MYO3B: variants seen among roughly 807,000 people sequenced by gnomAD.
The protein encoded by MYO3B is myosin-IIIb.
Under a neutral mutation model 174.6 loss-of-function variants are expected in MYO3B, and 156 were observed. That is an observed-to-expected ratio of 0.89 (90% CI 0.78 to 1.02). MYO3B has a LOEUF of 1.02. Among genes scored for constraint, MYO3B ranks in the 50% least tolerant of loss-of-function variants. MYO3B has a pLI of 0.00. For missense variants in MYO3B, 1,632 were observed against 1,639.4 expected (o/e 1.00, Z 0.08); for synonymous variants, 563 against 569.1 (o/e 0.99, Z 0.15).
At chr2:170,432,715 T>C (rs1230007157) in intron 22 of MYO3B, among the ~76,000 whole-genome samples, 1 of 152,074 alleles carries the variant, frequency 6.6e-6, no homozygotes, top group East Asian at 1.9e-4. Flanking sequence ...TAGTTGGGAC[T>C]ACAGGCGCCT....
intron 7 of MYO3B, among the ~76,000 whole-genome samples, chr2:170,287,398 CT>C (rs60504137): frequency 0.62 from 92,259 of 148,636 alleles, 28,642 homozygotes; most frequent in East Asian, 0.71. Context: ...CTGTTATTGC[CT>C]TTTTTTTTTT....
Position 170,425,278 on chromosome 2 carries a change from A to G in MYO3B, c.2650+17434A>G, listed in dbSNP as rs747018014. On this transcript the variant is annotated intron_variant, in intron 22 of 34. Transcript: ENST00000408978. ...AGACTGCCTTCTAACAGTCTGGTCC[A>G]TATGTTAGAAGCATATAAAGTTAAT... is the stretch of plus-strand genomic sequence containing the variant. Among the ~76,000 whole-genome samples, 11 of 152,340 alleles carry G rather than the reference A, an allele frequency of 7.2e-5. No individual in the cohort carries two copies. In the East Asian group the frequency reaches 7.7e-4, roughly 11 times the overall value.
chr2:170,462,064 C>G (rs752877605), intron 23 of MYO3B, among the ~76,000 whole-genome samples: 10 of 152,176 alleles, frequency 6.6e-5, no homozygotes, highest in Non-Finnish European at 1.2e-4. Flanking sequence ...GAGTATAACA[C>G]GCTCTGCAGG....
intron 7 of MYO3B, among the ~76,000 whole-genome samples, chr2:170,322,740 A>T (rs1303343713): frequency 2.0e-5 from 3 of 152,154 alleles, no homozygotes; most frequent in African/African-American, 4.8e-5. Flanking sequence ...CTTTAAATGG[A>T]GCCTGTCAGC....
chr2:170,191,017 C>A (rs372734387), intron 1 of MYO3B, among the ~76,000 whole-genome samples: 58 of 152,050 alleles, frequency 3.8e-4, no homozygotes, highest in African/African-American at 1.3e-3. Context: ...CTGGGTACCA[C>A]CGCTGAATAT....
Position 170,459,804 on chromosome 2 carries a change from G to A in MYO3B, c.2731-3564G>A, listed in dbSNP as rs572659533. Among the ~76,000 whole-genome samples, 652 of 152,278 alleles carry A rather than the reference G, an allele frequency of 4.3e-3. 4 individuals are homozygous for A. Among genetic ancestry groups the A allele is most frequent in the African/African-American group, 0.015 (634 of 41,562 alleles). On this transcript the variant is annotated intron_variant, in intron 23 of 34. Coordinates refer to ENST00000408978, the MANE Select transcript of MYO3B (RefSeq NM_138995.5). ...CACGGGGAAGTGGCTGAGGCCTGGC[G>A]AGAATTTGAGCGTGGTGTGGGCAGG...
intron 32 of MYO3B, among the ~76,000 whole-genome samples, chr2:170,619,440 G>C (rs182929860): frequency 6.6e-6 from 1 of 152,222 alleles, no homozygotes; most frequent in African/African-American, 2.4e-5. Context: ...GTTTCAGGGG[G>C]TCTCCCTGCA....
intron 25 of MYO3B, among the ~76,000 whole-genome samples, chr2:170,477,309 C>T (rs927260577): frequency 1.3e-5 from 2 of 152,152 alleles, no homozygotes; most frequent in Admixed American, 6.5e-5. Context: ...CTGGACTCTG[C>T]CAAACTAGTT....
At chr2:170,601,618 C>T (rs1694514064) in intron 32 of MYO3B, 1 of 1,248,616 alleles carries the variant, frequency 8.0e-7, no homozygotes, top group Non-Finnish European at 1.2e-6. Flanking sequence ...ACTTATTCAT[C>T]ATCATCTTCT....
In MYO3B at chr2:170,217,333, C is replaced by T. The variant is rs751804769; in HGVS notation, c.541C>T (p.Leu181Phe). The change falls in exon 6 of 35, where the codon CTC becomes TTC. Residue 181 changes from leucine (L) to phenylalanine (F), a missense_variant. Physicochemically the swap from Leu to Phe is conservative, Grantham distance 22 (BLOSUM62 0). Transcript: ENST00000408978. ...KLVDFGVSAQ[L>F]TSTRLRRNTS... The stretch of plus-strand genomic sequence containing the variant: ...TTTCCTTATAGGTGTTTCAGCTCAA[C>T]TCACCAGTACACGTCTGCGGAGAAA... 6.2e-7 allele frequency: 1 copy of T among 1,614,074 alleles called. No individual in the cohort carries two copies. Among genetic ancestry groups the T allele is most frequent in the Admixed American group, 1.7e-5 (1 of 60,030 alleles).
intron 25 of MYO3B, among the ~76,000 whole-genome samples, chr2:170,475,039 T>G (rs1171420313): frequency 6.6e-6 from 1 of 152,088 alleles, no homozygotes; most frequent in Admixed American, 6.6e-5. Flanking sequence ...TAGCATACAG[T>G]GGGTTATTGA....
chr2:170,425,664 C>CA (rs917170144), intron 22 of MYO3B, among the ~76,000 whole-genome samples: 4 of 151,608 alleles, frequency 2.6e-5, no homozygotes, highest in Admixed American at 2.0e-4. Flanking sequence ...TGTAAACAGC[C>CA]AAAAAAAATC....
intron 8 of MYO3B, chr2:170,338,096 C>G (rs149561600): frequency 6.6e-5 from 10 of 152,314 alleles, no homozygotes; most frequent in African/African-American, 2.4e-4. Flanking sequence ...CAATTCAAAT[C>G]TGCTATGTTT....
At chr2:170,478,522 TACACACACACACACACACACAC>T (rs60349340) in intron 25 of MYO3B, among the ~76,000 whole-genome samples, 1 of 126,100 alleles carries the variant, frequency 7.9e-6, no homozygotes, top group Admixed American at 8.3e-5. Context: ...GGTGTTATTG[TACACACACACACACACACACAC>T]ACACACACAC....
In MYO3B at chr2:170,420,471, G is replaced by T. The variant is rs937458924; in HGVS notation, c.2650+12627G>T. On this transcript the variant is annotated intron_variant, in intron 22 of 34. Transcript: ENST00000408978. ...AGAACCACAGAGCTTTTGCAGACCT[G>T]ATCCTGGTAGGCTGGCAGGTTCTGT... 1.5e-4 allele frequency among the ~76,000 whole-genome samples: 23 copies of T among 152,102 alleles called. 1 individual carries two copies. Among genetic ancestry groups the T allele is most frequent in the African/African-American group, 5.3e-4 (22 of 41,428 alleles).
chr2:170,572,446 C>T (rs528840826), intron 32 of MYO3B, among the ~76,000 whole-genome samples: 5 of 149,818 alleles, frequency 3.3e-5, no homozygotes, highest in African/African-American at 1.2e-4. Flanking sequence ...AAAAACCCAT[C>T]TCTACAAAAA....
At chr2:170,599,435 TTTTC>T (rs1414851629) in intron 32 of MYO3B, among the ~76,000 whole-genome samples, 6 of 152,338 alleles carry the variant, frequency 3.9e-5, no homozygotes, top group African/African-American at 1.4e-4. Context: ...GTTACAAGTA[TTTTC>T]TTTCTATTTA....
intron 22 of MYO3B, among the ~76,000 whole-genome samples, chr2:170,410,592 G>GAAAAAAAAAAAAAAAAAAAAAAAAA (rs59296953): frequency 8.9e-6 from 1 of 112,530 alleles, no homozygotes; most frequent in Non-Finnish European, 1.8e-5. Flanking sequence ...CAAAAAAAAA[G>GAAAAAAAAAAAAAAAAAAAAAAAAA]AAAAAAAAAA....
intron 7 of MYO3B, among the ~76,000 whole-genome samples, chr2:170,295,666 G>C (rs1209717656): frequency 2.0e-5 from 3 of 152,004 alleles, no homozygotes; most frequent in Non-Finnish European, 4.4e-5. Context: ...GTTCCATATA[G>C]TTTTTTGTAT....
Sources: gnomAD v4.1 joint callset for allele counts (sites outside exome capture counted in the v4.1 genomes callset) on GRCh38, gnomAD v4.1.1 for gene constraint, MANE v1.5 for transcripts, NCBI Gene and HGNC (gene_info 2026-07-23, HGNC 2026-07-21) for gene names.